The following MYH10 variants were observed in gnomAD, a reference collection of about 807,000 sequenced individuals.
The protein encoded by MYH10 is myosin heavy chain 10.
In MYH10, 55 loss-of-function variants were observed where a neutral mutation model predicts 257.8. The ratio of observed to expected loss-of-function variants is 0.21; its 90% CI spans 0.17 to 0.27. The LOEUF is 0.27. Among genes scored for constraint, MYH10 ranks in the 10% least tolerant of loss-of-function variants. The pLI is 1.00. For missense variants in MYH10, 1,631 were observed against 2,500.6 expected (o/e 0.65, Z 7.42); for synonymous variants, 854 against 921.7 (o/e 0.93, Z 1.33).
In MYH10 at chr17:8,619,638, A is replaced by G. The variant is rs1211746687; in HGVS notation, c.345+3264T>C. On this transcript the variant is annotated intron_variant, in intron 2 of 42. Transcript: ENST00000360416. ...ATATAAAAATTCAAAAACAGGCAAA[A>G]CTAGGCAGGGCACGGTGGCTCATGC... Among the ~76,000 whole-genome samples the G allele has an allele frequency of 7.2e-5, 11 of 152,206 alleles. No homozygotes were observed. In the East Asian group the frequency reaches 1.9e-3, roughly 27 times the overall value.
chr17:8,588,082 A>T (rs1034107590), intron 4 of MYH10, among the ~76,000 whole-genome samples: 1 of 151,772 alleles, frequency 6.6e-6, no homozygotes, highest in African/African-American at 2.4e-5. Flanking sequence ...TTGCCTCCTC[A>T]TGCCCCTATG....
chr17:8,607,985 G>T (rs1048730187), intron 2 of MYH10, among the ~76,000 whole-genome samples: 1 of 152,146 alleles, frequency 6.6e-6, no homozygotes, highest in Non-Finnish European at 1.5e-5. Flanking sequence ...AGACTATGGG[G>T]TCAAAAGGAG....
chr17:8,513,703 T>A, intron 22 of MYH10, 34 bp from the exon 23 acceptor site: 2 of 1,600,392 alleles, frequency 1.2e-6, no homozygotes, highest in African/African-American at 1.4e-5. Context: ...TTTTTTTTTA[T>A]CATTCCAGCT....
intron 2 of MYH10, among the ~76,000 whole-genome samples, chr17:8,610,654 T>C (rs376290889): frequency 6.6e-6 from 1 of 152,188 alleles, no homozygotes; most frequent in East Asian, 1.9e-4. Flanking sequence ...AAAGGGCTTG[T>C]GGCTATAAAT....
rs756615335 is a variant in MYH10, at chr17:8,545,613, C to T, written c.1279-13G>A. The T allele has an allele frequency of 6.2e-7, 1 of 1,606,842 alleles. No homozygotes were observed. On this transcript the variant is annotated splice_polypyrimidine_tract_variant and intron_variant, in intron 12 of 42. Coordinates refer to ENST00000360416, the MANE Select transcript of MYH10 (RefSeq NM_001256012.3). This position sits in a 1 kb window ranked among gnomAD's most constrained non-coding sequence, Gnocchi z 4.7. ...CTGCAAAATCTGCCTGTAATTAAAT[C>T]ACAACAACCTTTTATTCTGGAAACA... is the stretch of plus-strand genomic sequence containing the variant.
rs541393166 is a variant in MYH10, at chr17:8,475,751, C to G, written c.*53G>C. On this transcript the variant is annotated 3_prime_UTR_variant, in exon 43 of 43. Coordinates refer to ENST00000360416, the MANE Select transcript of MYH10 (RefSeq NM_001256012.3). ...AATTTCCGAAATCTGCAGGAGGCCC[C>G]GGGTGCATTCCTAACTGTCCCACTG... The G allele has an allele frequency of 1.3e-6, 2 of 1,577,250 alleles. No individual in the cohort carries two copies. The highest frequency in any genetic ancestry group is 1.4e-5 in the African/African-American group (1 of 73,836).
chr17:8,615,726 T>C (rs2085235120), intron 2 of MYH10, among the ~76,000 whole-genome samples: 1 of 152,124 alleles, frequency 6.6e-6, no homozygotes, highest in Non-Finnish European at 1.5e-5. Context: ...ATTTGATAAA[T>C]TAACATTCAT....
At chr17:8,587,674 C>T (rs2083960940) in intron 4 of MYH10, among the ~76,000 whole-genome samples, 1 of 152,094 alleles carries the variant, frequency 6.6e-6, no homozygotes, top group South Asian at 2.1e-4. Context: ...ATTCTCCTTC[C>T]TGCCCAAATC....
intron 38 of MYH10, 47 bp downstream of exon 38, chr17:8,481,275 C>T (rs374154342): frequency 2.0e-4 from 320 of 1,571,970 alleles, no homozygotes; most frequent in East Asian, 1.6e-3. Flanking sequence ...CTCAGCAGTG[C>T]GCGTGCCTGA....
At chr17:8,489,710 C>A (rs1373424704) in intron 35 of MYH10, among the ~76,000 whole-genome samples, 3 of 36,022 alleles carry the variant, frequency 8.3e-5, no homozygotes, top group African/African-American at 1.7e-4. Context: ...TCTGAAAAAA[C>A]ACACACACAC....
chr17:8,620,266 A>T (rs918896064), intron 2 of MYH10, among the ~76,000 whole-genome samples: 1 of 152,202 alleles, frequency 6.6e-6, no homozygotes, highest in Non-Finnish European at 1.5e-5. Flanking sequence ...ATAAAAAGAT[A>T]ACTTAAAAAT....
chr17:8,517,953 C>A (rs1397810591), intron 21 of MYH10, among the ~76,000 whole-genome samples: 2 of 152,030 alleles, frequency 1.3e-5, no homozygotes, highest in African/African-American at 4.8e-5. Context: ...CCTTCTTACC[C>A]TTGAGGTTTC....
At chr17:8,571,185 T>TG (rs2083326035) in intron 6 of MYH10, among the ~76,000 whole-genome samples, 2 of 150,670 alleles carry the variant, frequency 1.3e-5, no homozygotes, top group Non-Finnish European at 3.0e-5. Flanking sequence ...TTTTGTTTTT[T>TG]TTTTTTTGAG....
intron 14 of MYH10, among the ~76,000 whole-genome samples, chr17:8,540,727 A>C (rs2082269465): frequency 6.6e-6 from 1 of 152,224 alleles, no homozygotes; most frequent in Non-Finnish European, 1.5e-5. Flanking sequence ...GACGCATATA[A>C]TGAGCATCTC....
intron 16 of MYH10, among the ~76,000 whole-genome samples, chr17:8,532,793 C>T (rs1415347972): frequency 1.3e-5 from 2 of 152,208 alleles, no homozygotes; most frequent in African/African-American, 2.4e-5. Context: ...TCTCTCATTG[C>T]TTCCAGATCT....
chr17:8,561,481 A>C, intron 7 of MYH10: 5 of 1,398,646 alleles, frequency 3.6e-6, no homozygotes, highest in Non-Finnish European at 5.0e-6. Context: ...CAAAGTAGTC[A>C]GGAATCGATC....
At chr17:8,621,733 CT>C (rs1164701891) in intron 2 of MYH10, among the ~76,000 whole-genome samples, 2 of 152,178 alleles carry the variant, frequency 1.3e-5, no homozygotes, top group Non-Finnish European at 2.9e-5. Context: ...TGAAACTACT[CT>C]GGCAAAGGTC....
rs770975976 is a variant in MYH10, at chr17:8,535,444, C to T, written c.1837G>A (p.Val613Met). ...MKNMDPLNDN[V>M]ATLLHQSSDR... is the part of the protein sequence containing the mutation. ...GATGACTGGTGCAAAAGGGTGGCCA[C>T]GTTGTCATTCAGGGGGTCCATATTC... The change falls in exon 16 of 43, where the codon GTG becomes ATG. Residue 613 changes from valine (V) to methionine (M), a missense_variant. Val to Met is a conservative substitution (Grantham distance 21). Around this residue, in one of 11 missense-constraint regions of MYH10, gnomAD observed 96 missense variants for 146.2 expected, o/e 0.66. Transcript: ENST00000360416. This position sits in a 1 kb window ranked among gnomAD's most constrained non-coding sequence, Gnocchi z 4.3. The T allele has an allele frequency of 1.1e-5, 17 of 1,613,964 alleles. No homozygotes were observed. The highest frequency in any genetic ancestry group is 8.0e-5 in the African/African-American group (6 of 74,896).
At chr17:8,508,908 G>C (rs1454613443) in intron 25 of MYH10, among the ~76,000 whole-genome samples, 3 of 152,188 alleles carry the variant, frequency 2.0e-5, no homozygotes, top group Admixed American at 6.5e-5. Context: ...ACTTCATCGA[G>C]AGCTGTCATA....
Sources: allele counts gnomAD v4.1 joint callset (sites outside exome capture counted in the v4.1 genomes callset), GRCh38; gene constraint gnomAD v4.1.1; regional missense constraint gnomAD v4.1.1; non-coding constraint Gnocchi (gnomAD v3.1); transcripts MANE v1.5; gene names NCBI Gene and HGNC (gene_info 2026-07-23, HGNC 2026-07-21).